XPO4: variants seen among roughly 807,000 people sequenced by gnomAD.
XPO4 encodes the protein exportin-4.
XPO4 carries 39 observed loss-of-function variants against 143.0 expected under a neutral mutation model. That is an observed-to-expected ratio of 0.27 (90% CI 0.21 to 0.36). The LOEUF is 0.36. Ranked by LOEUF, XPO4 falls within the 10% of genes least tolerant of loss-of-function variation. XPO4 has a pLI of 1.00. For synonymous variants in XPO4, 439 were observed against 474.0 expected, an observed-to-expected ratio of 0.93 and a Z score of 0.96; for missense variants, 907 against 1,348.0, an observed-to-expected ratio of 0.67 and a Z score of 5.12.
intron 1 of XPO4, among the ~76,000 whole-genome samples, chr13:20,896,599 A>G (rs1363412514): frequency 6.6e-6 from 1 of 152,184 alleles, no homozygotes; most frequent in Non-Finnish European, 1.5e-5. Flanking sequence ...ATCTTTCCAA[A>G]GAACTAATGG....
intron 1 of XPO4, among the ~76,000 whole-genome samples, chr13:20,871,605 G>C (rs534986082): frequency 1.3e-5 from 2 of 152,274 alleles, no homozygotes; most frequent in South Asian, 2.1e-4. Context: ...TAGAGTAAAC[G>C]ATACTACCCA....
At chr13:20,870,822 T>C (rs2060290132) in intron 1 of XPO4, among the ~76,000 whole-genome samples, 1 of 152,196 alleles carries the variant, frequency 6.6e-6, no homozygotes, top group Admixed American at 6.5e-5. Context: ...GTGTTTTTTG[T>C]CTGTTTTGGA....
chr13:20,815,762 A>G (rs2059641956), intron 9 of XPO4, among the ~76,000 whole-genome samples: 1 of 152,232 alleles, frequency 6.6e-6, no homozygotes, highest in Non-Finnish European at 1.5e-5. Flanking sequence ...TGTCTACAGA[A>G]TATCCTTCAA....
At chr13:20,797,842 A>G (rs985275586) in intron 16 of XPO4, among the ~76,000 whole-genome samples, 2 of 152,132 alleles carry the variant, frequency 1.3e-5, no homozygotes, top group South Asian at 4.1e-4. Context: ...AAACCCCAGG[A>G]TATGAACTTA....
intron 1 of XPO4, among the ~76,000 whole-genome samples, chr13:20,880,160 G>A (rs751372544): frequency 6.6e-5 from 10 of 152,192 alleles, no homozygotes; most frequent in Non-Finnish European, 1.3e-4. Flanking sequence ...ACAGACGGGC[G>A]CGGTGGCTCA....
intron 6 of XPO4, among the ~76,000 whole-genome samples, chr13:20,828,651 T>C (rs530552513): frequency 6.6e-6 from 1 of 152,320 alleles, no homozygotes; most frequent in South Asian, 2.1e-4. Context: ...ATTCGACTGA[T>C]TAACAAAAGT....
At chr13:20,881,053 G>A (rs1322539009) in intron 1 of XPO4, among the ~76,000 whole-genome samples, 6 of 151,486 alleles carry the variant, frequency 4.0e-5, no homozygotes, top group Non-Finnish European at 8.8e-5. Context: ...AGACACAAAA[G>A]GACAAATACT....
At chr13:20,869,681 A>G (rs1394684452) in intron 1 of XPO4, 1 of 685,286 alleles carries the variant, frequency 1.5e-6, no homozygotes, top group Non-Finnish European at 1.8e-6. Context: ...TTCACCCAGG[A>G]AAAATTAACT....
intron 1 of XPO4, among the ~76,000 whole-genome samples, chr13:20,890,230 G>A (rs530321755): frequency 1.3e-5 from 2 of 151,388 alleles, no homozygotes; most frequent in South Asian, 4.1e-4. Context: ...TGGGAGGATC[G>A]CTTGAGCCCA....
At chr13:20,878,866 G>A (rs1034424479) in intron 1 of XPO4, among the ~76,000 whole-genome samples, 2 of 152,154 alleles carry the variant, frequency 1.3e-5, no homozygotes, top group Non-Finnish European at 2.9e-5. Context: ...ATTACTGTAT[G>A]CATTTTTCTG....
In XPO4 at chr13:20,783,497, T is replaced by A. The variant is rs2059164277; in HGVS notation, c.*225A>T. On this transcript the variant is annotated 3_prime_UTR_variant, in exon 23 of 23. Transcript: ENST00000255305. ...GAAAATTTTAAATCACCATTCAGAA[T>A]CTAAAAGACATATATATGACAGATT... 1 of 552,686 alleles carries A rather than the reference T, an allele frequency of 1.8e-6. No homozygotes were observed. Among genetic ancestry groups the A allele is most frequent in the Admixed American group, 3.2e-5 (1 of 31,178 alleles). The allele number at this position is 552,686 out of a possible 1,614,324, so 34.2% of individuals were successfully genotyped here.
intron 3 of XPO4, among the ~76,000 whole-genome samples, chr13:20,861,789 T>TC (rs2060202211): frequency 1.5e-5 from 2 of 135,884 alleles, no homozygotes. Context: ...TTTTTTTTTT[T>TC]TTTTTTTTTT....
At chr13:20,876,295 G>T (rs973139191) in intron 1 of XPO4, among the ~76,000 whole-genome samples, 1 of 150,594 alleles carries the variant, frequency 6.6e-6, no homozygotes, top group South Asian at 2.1e-4. Context: ...GAATAAGAAG[G>T]GGGTAATACC....
rs2060475031 is a variant in XPO4, at chr13:20,887,846, C to G, written c.69+14824G>C. 2.8e-5 allele frequency among the ~76,000 whole-genome samples: 4 copies of G among 142,958 alleles called. 1 individual carries two copies. The highest frequency in any genetic ancestry group is 1.4e-4 in the Admixed American group (2 of 14,130). The allele number at this position is 142,958 out of a possible 152,430, so 93.8% of individuals were successfully genotyped here. A position where few individuals can be genotyped will look rare whatever the true frequency, so the allele number is the denominator to read the frequency against. On this transcript the variant is annotated intron_variant, in intron 1 of 22. Coordinates refer to ENST00000255305, the MANE Select transcript of XPO4 (RefSeq NM_022459.5). ...ACGGCACTCCAGCCTGGGCGACAGT[C>G]AGACTCTGTCTCAAAAAAGGAAAGG...
chr13:20,822,206 G>A lies in XPO4; in HGVS notation c.924C>T (p.Pro308=). The A allele has an allele frequency of 2.5e-6, 4 of 1,614,028 alleles. No homozygotes were observed. Among genetic ancestry groups the A allele is most frequent in the Non-Finnish European group, 3.4e-6 (4 of 1,179,924 alleles). ...CLAQLASLHG[P]IFPDEGSQVD... Reference sequence around the variant, plus strand: ...CTTGTGATCCTTCATCTGGGAAGATGGGTCCATGAAGAGAAGCTAACTGGG... The same window carrying A: ...CTTGTGATCCTTCATCTGGGAAGATAGGTCCATGAAGAGAAGCTAACTGGG... Residue 308 remains proline, a synonymous_variant, in exon 8 of 23, where the codon CCC becomes CCT. Coordinates refer to ENST00000255305, the MANE Select transcript of XPO4 (RefSeq NM_022459.5).
intron 6 of XPO4, among the ~76,000 whole-genome samples, chr13:20,834,990 C>A (rs1253796521): frequency 1.3e-5 from 2 of 152,052 alleles, no homozygotes; most frequent in African/African-American, 4.8e-5. Flanking sequence ...AATCAGAAAA[C>A]TTAACTTAGT....
chr13:20,865,468 G>T (rs2060236922), intron 2 of XPO4: 2 of 985,166 alleles, frequency 2.0e-6, no homozygotes, highest in African/African-American at 3.5e-5. Context: ...CTTCTGGGAA[G>T]ATCTGCCACT....
At chr13:20,857,654 G>T (rs2060157439) in intron 3 of XPO4, among the ~76,000 whole-genome samples, 1 of 152,140 alleles carries the variant, frequency 6.6e-6, no homozygotes. Flanking sequence ...ATGAACCCGG[G>T]AGGCGGAGCT....
Position 20,795,011 on chromosome 13 carries a change from A to G in XPO4, c.2797+1065T>C, listed in dbSNP as rs542439037. Among the ~76,000 whole-genome samples the G allele has an allele frequency of 7.0e-3, 1,067 of 152,010 alleles. 5 individuals carry two copies. Among genetic ancestry groups the G allele is most frequent in the Non-Finnish European group, 0.012 (809 of 67,936 alleles). On this transcript the variant is annotated intron_variant, in intron 18 of 22. Transcript: ENST00000255305. ...AAAAACCGTTGCCCAAGAATTTAAA[A>G]AAAAAAAAAAAAGACATGGTCCAGT...
Sources: allele counts gnomAD v4.1 joint callset (sites outside exome capture counted in the v4.1 genomes callset), GRCh38; gene constraint gnomAD v4.1.1; transcripts MANE v1.5; gene names NCBI Gene and HGNC (gene_info 2026-07-23, HGNC 2026-07-21).